The following SHB variants were observed in gnomAD, a reference collection of about 807,000 sequenced individuals.
The protein encoded by SHB is SH2 domain-containing adapter protein B.
In SHB, 20 loss-of-function variants were observed where a neutral mutation model predicts 52.3. The ratio of observed to expected loss-of-function variants is 0.38; its 90% CI spans 0.27 to 0.56. The LOEUF (loss-of-function observed/expected upper bound fraction) is 0.56. Ranked by LOEUF, SHB falls within the 20% of genes least tolerant of loss-of-function variation. The probability of loss-of-function intolerance (pLI) is 0.71; values close to 1 mark genes in which losing one functional copy is unlikely to be tolerated. For missense variants in SHB, 825 were observed against 723.3 expected, an observed-to-expected ratio of 1.14 and a Z score of -1.61; for synonymous variants, 397 against 316.5, an observed-to-expected ratio of 1.25 and a Z score of -2.70.
In SHB at chr9:38,068,454, T is replaced by A; in HGVS notation, c.192A>T (p.Ser64=). Residue 64 remains serine (S), a synonymous_variant, in exon 1 of 6, where the codon TCA becomes TCT. Transcript: ENST00000377707. ...SCGPATASCF[S]ASSGSLPDDS... The stretch of plus-strand genomic sequence containing the variant: ...CGTCGGGCAGCGAGCCCGAAGAGGC[T>A]GAGAAGCAGGAGGCGGTGGCCGGAC... 6.5e-7 allele frequency: 1 copy of A among 1,531,472 alleles called. No individual in the cohort carries two copies. Among genetic ancestry groups the A allele is most frequent in the Non-Finnish European group, 8.7e-7 (1 of 1,144,014 alleles). 94.9% of individuals were successfully genotyped at this position (1,531,472 alleles called of 1,614,324 possible). A position where few individuals can be genotyped will look rare whatever the true frequency, so the allele number is the denominator to read the frequency against.
chr9:38,041,332 G>C (rs1360836206), intron 1 of SHB, among the ~76,000 whole-genome samples: 1 of 152,162 alleles, frequency 6.6e-6, no homozygotes, highest in African/African-American at 2.4e-5. Context: ...TATGGGGAAG[G>C]GACTCAGACC....
chr9:37,927,662 T>G (rs1587194023), intron 5 of SHB, among the ~76,000 whole-genome samples: 1 of 152,276 alleles, frequency 6.6e-6, no homozygotes, highest in Middle Eastern at 3.4e-3. Flanking sequence ...ACCAACACAT[T>G]ATTAGACAAG....
Position 37,948,234 on chromosome 9 carries a change from C to A in SHB, c.1346+401G>T, listed in dbSNP as rs192177807. 9.0e-3 allele frequency among the ~76,000 whole-genome samples: 1,363 copies of A among 152,276 alleles called. 18 individuals carry two copies. The highest frequency in any genetic ancestry group is 0.03 in the African/African-American group (1,259 of 41,536). On this transcript the variant is annotated intron_variant, in intron 5 of 5. Coordinates refer to ENST00000377707, the MANE Select transcript of SHB (RefSeq NM_003028.3). Reference sequence around the variant, plus strand: ...TCCTGGCCCAGCCACTTGGGCCAGCCACACCCACCTCCGTGAACCTGTTTA... The same window carrying A: ...TCCTGGCCCAGCCACTTGGGCCAGCAACACCCACCTCCGTGAACCTGTTTA...
At position 37,956,017 on chromosome 9, in the gene SHB, G is replaced by C. The variant is rs1418625330; in HGVS notation, c.1092C>G (p.Pro364=). 5.1e-6 allele frequency: 8 copies of C among 1,582,526 alleles called. No individual in the cohort carries two copies. The East Asian group carries it at 6.8e-5, about 14-fold the overall frequency. The change falls in exon 4 of 6, where the codon CCC becomes CCG. Residue 364 remains proline, a synonymous_variant. Coordinates refer to ENST00000377707, the MANE Select transcript of SHB (RefSeq NM_003028.3). The part of the protein sequence containing the change: ...FNGNEKRQSS[P]SPSRDRRRQL... The stretch of plus-strand genomic sequence containing the variant: ...GGCGCCGCCGGTCCCGCGAAGGTGA[G>C]GGGGATGACTGCCGCTTCTCGTTGC...
At chr9:38,046,462 T>C (rs903949690) in intron 1 of SHB, among the ~76,000 whole-genome samples, 2 of 151,780 alleles carry the variant, frequency 1.3e-5, no homozygotes, top group African/African-American at 2.4e-5. Context: ...AATATACTGA[T>C]GCTCGAAGCC....
Position 38,067,971 on chromosome 9 carries a change from G to C in SHB, c.675C>G (p.Ala225=). Residue 225 remains alanine (A), a synonymous_variant, in exon 1 of 6, where the codon GCC becomes GCG. Coordinates refer to ENST00000377707, the MANE Select transcript of SHB (RefSeq NM_003028.3). ...CGGKKLLNKC[A]ASAAEESGAG... The stretch of plus-strand genomic sequence containing the variant: ...CCCCGCTCTCCTCCGCGGCTGAGGC[G>C]GCGCACTTGTTGAGCAGTTTCTTGC... 1 of 1,552,714 alleles carries C rather than the reference G, an allele frequency of 6.4e-7. No homozygotes were observed. The highest frequency in any genetic ancestry group is 8.6e-7 in the Non-Finnish European group (1 of 1,159,136).
intron 1 of SHB, among the ~76,000 whole-genome samples, chr9:38,048,999 C>G (rs7030560): frequency 0.083 from 12,569 of 152,174 alleles, 1,672 homozygotes; most frequent in African/African-American, 0.28. Context: ...CTTCTCAGCT[C>G]ATCTCAAGAC....
intron 1 of SHB, among the ~76,000 whole-genome samples, chr9:38,056,848 C>G (rs1047447327): frequency 3.3e-5 from 5 of 152,168 alleles, no homozygotes; most frequent in Admixed American, 1.3e-4. Context: ...AACCCTGCAG[C>G]AGAAAAGGAT....
chr9:38,058,603 A>C (rs2118184260), intron 1 of SHB, among the ~76,000 whole-genome samples: 1 of 151,800 alleles, frequency 6.6e-6, no homozygotes, highest in African/African-American at 2.4e-5. Context: ...TCTGCTCAGA[A>C]CCCTCTGCTG....
At chr9:37,969,584 T>C (rs191060660) in intron 3 of SHB, among the ~76,000 whole-genome samples, 2 of 152,268 alleles carry the variant, frequency 1.3e-5, no homozygotes, top group East Asian at 3.9e-4. Flanking sequence ...CTCACACTGG[T>C]CCTTCAGAGG....
chr9:38,048,339 C>T (rs1038674712), intron 1 of SHB, among the ~76,000 whole-genome samples: 10 of 152,088 alleles, frequency 6.6e-5, no homozygotes, highest in African/African-American at 2.2e-4. Context: ...TTATATCCTG[C>T]GTTTAAAAAA....
rs1287929590 is a variant in SHB, at chr9:37,995,903, G to A, written c.838+20108C>T. ...GAGACCCAAATCACCATCTTAGGCA[G>A]GTGTCTTTGAACATCCAATTGGCTT... On this transcript the variant is annotated intron_variant, in intron 2 of 5. Coordinates refer to ENST00000377707, the MANE Select transcript of SHB (RefSeq NM_003028.3). 1.3e-5 allele frequency among the ~76,000 whole-genome samples: 2 copies of A among 152,132 alleles called. 1 individual carries two copies. The highest frequency in any genetic ancestry group is 1.3e-4 in the Admixed American group (2 of 15,278).
At chr9:38,038,289 T>C (rs1055959010) in intron 1 of SHB, among the ~76,000 whole-genome samples, 6 of 152,222 alleles carry the variant, frequency 3.9e-5, no homozygotes, top group Non-Finnish European at 8.8e-5. Flanking sequence ...GGCCCTGTTC[T>C]ATCACAAAAG....
At chr9:38,019,796 T>G (rs983763271) in intron 1 of SHB, among the ~76,000 whole-genome samples, 7 of 152,092 alleles carry the variant, frequency 4.6e-5, no homozygotes, top group Admixed American at 1.3e-4. Flanking sequence ...GAAGTAATCA[T>G]GAGAAACCAC....
At position 38,018,633 on chromosome 9, in the gene SHB, T is replaced by A. The variant is rs564019886; in HGVS notation, c.718-2502A>T. On this transcript the variant is annotated intron_variant, in intron 1 of 5. Coordinates refer to ENST00000377707, the MANE Select transcript of SHB (RefSeq NM_003028.3). ...TTGGTGGAGGGAAAGAAATTTGAGG[T>A]TTGAGCAACCTGAAACTTTGCAAAC... is the stretch of plus-strand genomic sequence containing the variant. 6.8e-4 allele frequency among the ~76,000 whole-genome samples: 104 copies of A among 151,970 alleles called. No homozygotes were observed. In the Middle Eastern group the frequency reaches 0.02, roughly 30 times the overall value.
At chr9:37,954,483 A>AGAGGG (rs1832605475) in intron 4 of SHB, among the ~76,000 whole-genome samples, 1 of 145,836 alleles carries the variant, frequency 6.9e-6, no homozygotes, top group South Asian at 2.3e-4. Flanking sequence ...TAAGTGGAGG[A>AGAGGG]GAGGGGAGGG....
intron 5 of SHB, among the ~76,000 whole-genome samples, chr9:37,936,012 G>A (rs1404720843): frequency 6.7e-6 from 1 of 148,668 alleles, no homozygotes; most frequent in African/African-American, 2.5e-5. Context: ...AGACCAGCCT[G>A]ACCAACATGG....
chr9:38,019,832 A>C (rs771027214), intron 1 of SHB, among the ~76,000 whole-genome samples: 1 of 152,238 alleles, frequency 6.6e-6, no homozygotes, highest in African/African-American at 2.4e-5. Context: ...CCATCAATAG[A>C]GGAATCGCTA....
At chr9:38,026,418 C>A (rs1034048027) in intron 1 of SHB, among the ~76,000 whole-genome samples, 2 of 152,256 alleles carry the variant, frequency 1.3e-5, no homozygotes, top group Admixed American at 1.3e-4. Context: ...GATCATTTCT[C>A]CCCGAACGGG....
Sources: gnomAD v4.1 joint callset for allele counts (sites outside exome capture counted in the v4.1 genomes callset) on GRCh38, gnomAD v4.1.1 for gene constraint, MANE v1.5 for transcripts, NCBI Gene and HGNC (gene_info 2026-07-23, HGNC 2026-07-21) for gene names.